The following AGTPBP1 variants were observed in gnomAD, a reference collection of about 807,000 sequenced individuals.
The protein encoded by AGTPBP1 is cytosolic carboxypeptidase 1.
In AGTPBP1, 70 loss-of-function variants were observed where a neutral mutation model predicts 143.9. The observed-to-expected ratio is 0.49, with a 90% CI of 0.40 to 0.59. The LOEUF (loss-of-function observed/expected upper bound fraction) is 0.59, where lower values mean the gene tolerates loss of function less well. Among genes scored for constraint, AGTPBP1 ranks in the 20% least tolerant of loss-of-function variants. The pLI, the probability that AGTPBP1 is intolerant of heterozygous loss-of-function variation, is 0.00. For missense variants in AGTPBP1, 1,229 were observed against 1,464.5 expected, an observed-to-expected ratio of 0.84 and a Z score of 2.62; for synonymous variants, 463 against 500.2, an observed-to-expected ratio of 0.93 and a Z score of 0.99.
At chr9:85,779,314 TTTA>T in the AGTPBP1 span, among the ~76,000 whole-genome samples, 60 of 150,346 alleles carry the variant, frequency 4.0e-4, no homozygotes, top group African/African-American at 1.4e-3. Context: ...TAAAGGGGAG[TTTA>T]TTATTAACTT....
the AGTPBP1 span, among the ~76,000 whole-genome samples, chr9:85,762,768 T>C: frequency 6.8e-6 from 1 of 147,318 alleles, no homozygotes; most frequent in Non-Finnish European, 1.5e-5. Context: ...CTTAAAGTTA[T>C]ATATATATAT....
intron 6 of AGTPBP1, 24 bp from the exon 7 acceptor site, chr9:85,672,705 T>C: frequency 3.3e-6 from 5 of 1,519,768 alleles, no homozygotes; most frequent in South Asian, 2.4e-5. Flanking sequence ...AAAAAGACAA[T>C]TTATGCACAT....
intron 3 of AGTPBP1, among the ~76,000 whole-genome samples, chr9:85,687,196 A>G (rs1476988888): frequency 6.6e-6 from 1 of 152,190 alleles, no homozygotes. Flanking sequence ...TGAAACAACT[A>G]TAAATGTATA....
At chr9:85,701,995 C>T (rs1305698062) in intron 2 of AGTPBP1, among the ~76,000 whole-genome samples, 1 of 152,040 alleles carries the variant, frequency 6.6e-6, no homozygotes. Context: ...TTCTTTTTGC[C>T]CCATATAATG....
At chr9:85,550,196 A>T (rs868185651) in intron 25 of AGTPBP1, among the ~76,000 whole-genome samples, 134 of 145,454 alleles carry the variant, frequency 9.2e-4, no homozygotes, top group Admixed American at 1.6e-3. Flanking sequence ...TGTGTGTGTG[A>T]GAGAGAGAGA....
chr9:85,632,655 A>C lies in AGTPBP1; in HGVS notation c.2015+7T>G. 6.4e-7 allele frequency: 1 copy of C among 1,567,938 alleles called. No individual in the cohort carries two copies. Among genetic ancestry groups the C allele is most frequent in the South Asian group, 1.2e-5 (1 of 83,340 alleles). ...TATTTAGAAGAGGGAAGAAATATGC[A>C]ACTCACCTTTGTACACCATAAGGCC... On this transcript the variant is annotated splice_region_variant and intron_variant, in intron 14 of 25. Coordinates refer to ENST00000357081, the MANE Select transcript of AGTPBP1 (RefSeq NM_001330701.2).
intron 6 of AGTPBP1, among the ~76,000 whole-genome samples, chr9:85,674,619 A>C (rs1834709129): frequency 6.6e-6 from 1 of 152,264 alleles, no homozygotes; most frequent in African/African-American, 2.4e-5. Context: ...AAGAAAAATA[A>C]GAGACAGCTA....
intron 1 of AGTPBP1, among the ~76,000 whole-genome samples, chr9:85,719,603 C>T (rs1188076053): frequency 6.6e-6 from 1 of 152,196 alleles, no homozygotes; most frequent in African/African-American, 2.4e-5. Flanking sequence ...ATGTCATCTG[C>T]AAACAGGGGC....
the AGTPBP1 span, among the ~76,000 whole-genome samples, chr9:85,747,559 A>G: frequency 1.8e-4 from 27 of 152,318 alleles, no homozygotes; most frequent in South Asian, 6.2e-4. Flanking sequence ...CAGCAATGTC[A>G]TAATTTTTAG....
chr9:85,761,146 A>C, the AGTPBP1 span, among the ~76,000 whole-genome samples: 2 of 152,216 alleles, frequency 1.3e-5, no homozygotes, highest in African/African-American at 4.8e-5. Context: ...ATGGAAGAAC[A>C]TTCCATACTC....
At chr9:85,766,128 CA>C in the AGTPBP1 span, among the ~76,000 whole-genome samples, 31,889 of 130,888 alleles carry the variant, frequency 0.24, 4,071 homozygotes, top group South Asian at 0.47. Context: ...TAGAAGAAGC[CA>C]AAAAAAAAAA....
upstream of AGTPBP1, among the ~76,000 whole-genome samples, chr9:85,746,408 A>T (rs1056745701): frequency 1.3e-5 from 2 of 152,148 alleles, no homozygotes; most frequent in African/African-American, 4.8e-5. Context: ...ATATCATTGG[A>T]GCCAGGAGTT....
chr9:85,612,884 T>TG (rs569701367), intron 17 of AGTPBP1, among the ~76,000 whole-genome samples: 1 of 144,868 alleles, frequency 6.9e-6, no homozygotes, highest in Non-Finnish European at 1.6e-5. Flanking sequence ...AAAAACAGGT[T>TG]TTTTTTTTTT....
chr9:85,566,118 AGCACTAAAGGGCACAGATATAGTCTCT>A (rs1310805075), intron 25 of AGTPBP1, among the ~76,000 whole-genome samples: 4 of 152,214 alleles, frequency 2.6e-5, no homozygotes, highest in Admixed American at 6.5e-5. Context: ...CACATTATGC[AGCACTAAAGGGCACAGATATAGTCTCT>A]GCACTAAAGG....
At position 85,619,320 on chromosome 9, in the gene AGTPBP1, G is replaced by A. The variant is rs777642519; in HGVS notation, c.2100-19C>T. On this transcript the variant is annotated intron_variant, in intron 15 of 25. Transcript: ENST00000357081. ...GGTGTAACTAAATAAAAGTTTTAAA[G>A]TAAATGTATTAAAATACATTGCATT... is the stretch of plus-strand genomic sequence containing the variant. 3 of 1,555,702 alleles carry A rather than the reference G, an allele frequency of 1.9e-6. No individual in the cohort carries two copies. The highest frequency in any genetic ancestry group is 4.5e-5 in the East Asian group (2 of 44,108).
chr9:85,609,095 C>T (rs183501172), intron 17 of AGTPBP1, among the ~76,000 whole-genome samples: 1 of 152,164 alleles, frequency 6.6e-6, no homozygotes, highest in African/African-American at 2.4e-5. Context: ...TAAGTATAAT[C>T]TCATGGAGTG....
intron 10 of AGTPBP1, among the ~76,000 whole-genome samples, chr9:85,657,038 G>C (rs936308614): frequency 2.0e-5 from 3 of 152,048 alleles, no homozygotes; most frequent in African/African-American, 7.3e-5. Flanking sequence ...TGTGGGGTGG[G>C]GGGAGAGGGG....
In AGTPBP1 at chr9:85,596,343, A is replaced by G. The variant is rs1234156810; in HGVS notation, c.2423+19T>C. The G allele has an allele frequency of 2.6e-6, 4 of 1,526,498 alleles. No homozygotes were observed. The highest frequency in any genetic ancestry group is 3.6e-6 in the Non-Finnish European group (4 of 1,113,922). The allele number at this position is 1,526,498 out of a possible 1,614,324, so 94.6% of individuals were successfully genotyped here. On this transcript the variant is annotated intron_variant, in intron 18 of 25. Coordinates refer to ENST00000357081, the MANE Select transcript of AGTPBP1 (RefSeq NM_001330701.2). ...CCTTCTGTAAGCTGACATTCTATTA[A>G]TATTCTTAAAATACTTACTTATAGT...
intron 15 of AGTPBP1, among the ~76,000 whole-genome samples, chr9:85,620,111 G>GA (rs1019972869): frequency 7.4e-5 from 11 of 148,512 alleles, no homozygotes; most frequent in East Asian, 3.9e-4. Context: ...AACTTTAAAA[G>GA]AAAAAAAAAA....
Sources: allele counts gnomAD v4.1 joint callset (sites outside exome capture counted in the v4.1 genomes callset), GRCh38; gene constraint gnomAD v4.1.1; transcripts MANE v1.5; gene names NCBI Gene and HGNC (gene_info 2026-07-23, HGNC 2026-07-21).